RASGRP3: variants seen among roughly 807,000 people sequenced by gnomAD.
The protein encoded by RASGRP3 is RAS guanyl releasing protein 3.
A neutral mutation model predicts 82.7 loss-of-function variants in RASGRP3; 54 were observed. That is an observed-to-expected ratio of 0.65 (90% confidence interval 0.52 to 0.82). The LOEUF is 0.82. Ranked by LOEUF, RASGRP3 falls within the 40% of genes least tolerant of loss-of-function variation. The probability of loss-of-function intolerance (pLI) is 0.00; values close to 1 mark genes in which losing one functional copy is unlikely to be tolerated. For synonymous variants in RASGRP3, 309 were observed against 300.5 expected (o/e 1.03, Z -0.29); for missense variants, 861 against 828.9 (o/e 1.04, Z -0.48).
intron 2 of RASGRP3, among the ~76,000 whole-genome samples, chr2:33,513,194 T>C (rs1671106212): frequency 6.6e-6 from 1 of 152,230 alleles, no homozygotes; most frequent in African/African-American, 2.4e-5. Context: ...TAACCCTTTA[T>C]TTTATGTTCT....
chr2:33,478,685 TG>T (rs1247259604), intron 1 of RASGRP3, among the ~76,000 whole-genome samples: 1 of 152,198 alleles, frequency 6.6e-6, no homozygotes, highest in African/African-American at 2.4e-5. Flanking sequence ...CTTTTTGACC[TG>T]GATAGGAATG....
At chr2:33,503,223 G>C (rs1037286291) in intron 1 of RASGRP3, among the ~76,000 whole-genome samples, 19 of 151,832 alleles carry the variant, frequency 1.3e-4, no homozygotes, top group Non-Finnish European at 1.9e-4. Context: ...AATTTTTTTT[G>C]TTCTGATAAG....
intron 1 of RASGRP3, among the ~76,000 whole-genome samples, chr2:33,510,197 A>T (rs1353121543): frequency 1.3e-5 from 2 of 152,242 alleles, no homozygotes. Context: ...GCAGGGAAGG[A>T]TCTTCAAGAA....
intron 4 of RASGRP3, among the ~76,000 whole-genome samples, chr2:33,518,467 A>ATTAG (rs1671670631): frequency 6.6e-6 from 1 of 152,234 alleles, no homozygotes; most frequent in Non-Finnish European, 1.5e-5. Flanking sequence ...GGCCTAGGAC[A>ATTAG]TTAGTGTACA....
chr2:33,498,629 C>G (rs542278375), intron 1 of RASGRP3, among the ~76,000 whole-genome samples: 1 of 152,304 alleles, frequency 6.6e-6, no homozygotes, highest in South Asian at 2.1e-4. Context: ...ATCCTCTGAG[C>G]ATTCCTGATT....
In RASGRP3 at chr2:33,516,521, C is replaced by T. The variant is rs1445548780; in HGVS notation, c.71-21C>T. On this transcript the variant is annotated intron_variant, in intron 3 of 17. Transcript: ENST00000403687. ...GAATAGCACTATTATCTCCTCACTT[C>T]TTGTTTTATTTTTCTAACAGATGAC... 2.0e-6 allele frequency: 3 copies of T among 1,473,186 alleles called. No individual in the cohort carries two copies. The South Asian group carries it at 3.6e-5, about 18-fold the overall frequency. The allele number at this position is 1,473,186 out of a possible 1,614,324, so 91.3% of individuals were successfully genotyped here.
At chr2:33,468,958 C>A (rs917797810) in intron 2 of RASGRP3, among the ~76,000 whole-genome samples, 1 of 152,106 alleles carries the variant, frequency 6.6e-6, no homozygotes, top group Admixed American at 6.5e-5. Flanking sequence ...CTATGTTGTA[C>A]GATTTATATT....
At chr2:33,533,900 A>C (rs979445623) in intron 10 of RASGRP3, 4 of 175,406 alleles carry the variant, frequency 2.3e-5, no homozygotes, top group Non-Finnish European at 4.9e-5. Flanking sequence ...GACTTAGCAC[A>C]ATGCTCTCAA....
intron 2 of RASGRP3, among the ~76,000 whole-genome samples, chr2:33,471,341 ATTTTTTT>A (rs70940204): frequency 9.4e-6 from 1 of 106,778 alleles, no homozygotes; most frequent in African/African-American, 3.7e-5. Context: ...ACACTGGGCT[ATTTTTTT>A]TTTTTTTTTT....
chr2:33,480,538 G>A (rs542889446), intron 1 of RASGRP3, among the ~76,000 whole-genome samples: 66 of 152,206 alleles, frequency 4.3e-4, no homozygotes, highest in Admixed American at 3.1e-3. Context: ...CACGTGAAGT[G>A]GACTCAGAAT....
chr2:33,503,201 AT>A (rs1670043276), intron 1 of RASGRP3, among the ~76,000 whole-genome samples: 1 of 152,212 alleles, frequency 6.6e-6, no homozygotes, highest in African/African-American at 2.4e-5. Flanking sequence ...CTCTTAAAAC[AT>A]TTTTGAAATG....
At position 33,540,561 on chromosome 2, in the gene RASGRP3, TG is replaced by T. The variant is rs1272186585; in HGVS notation, c.1278+1352del. ...TCTCTCTCTGTGTGTGTGTTTTGTG[TG>T]TGTGTGTGTGTGTGTGTGTGTGTGT... On this transcript the variant is annotated intron_variant, in intron 12 of 17. Coordinates refer to ENST00000403687, the MANE Select transcript of RASGRP3 (RefSeq NM_001139488.2). Among the ~76,000 whole-genome samples, 100 of 117,792 alleles carry T rather than the reference TG, an allele frequency of 8.5e-4. 6 individuals are homozygous for T. Among genetic ancestry groups the T allele is most frequent in the African/African-American group, 1.6e-3 (52 of 33,304 alleles). The allele number at this position is 117,792 out of a possible 152,430, so 77.3% of individuals were successfully genotyped here.
At chr2:33,537,667 A>C (rs763690830) in intron 11 of RASGRP3, among the ~76,000 whole-genome samples, 1 of 152,014 alleles carries the variant, frequency 6.6e-6, no homozygotes, top group Non-Finnish European at 1.5e-5. Context: ...AGCCTCTATA[A>C]ATATAAATTA....
At position 33,539,146 on chromosome 2, in the gene RASGRP3, C is replaced by T. The variant is rs923565510; in HGVS notation, c.1214C>T (p.Ala405Val). ...PNKPVVPLEW[A>V]LGVMPKPDPT... ...AAGCCTGTGGTACCCCTGGAGTGGGCATTAGGGGTGATGCCAAAGCCAGAC... is the reference window on the plus strand; with the variant it reads ...AAGCCTGTGGTACCCCTGGAGTGGGTATTAGGGGTGATGCCAAAGCCAGAC... Residue 405 changes from alanine (A) to valine (V), a missense_variant, in exon 12 of 18, where the codon GCA (alanine) becomes GTA (valine). Physicochemically the swap from Ala to Val is moderately conservative, Grantham distance 64. Coordinates refer to ENST00000403687, the MANE Select transcript of RASGRP3 (RefSeq NM_001139488.2). 3.1e-6 allele frequency: 5 copies of T among 1,611,962 alleles called. No homozygotes were observed. The African/African-American group carries it at 4.0e-5, about 13-fold the overall frequency.
intron 10 of RASGRP3, among the ~76,000 whole-genome samples, chr2:33,529,303 G>A (rs1672870593): frequency 6.6e-6 from 1 of 151,434 alleles, no homozygotes; most frequent in Non-Finnish European, 1.5e-5. Context: ...GACCATCCTG[G>A]CTAACACGGT....
At chr2:33,511,925 G>T (rs1422312089) in intron 2 of RASGRP3, 83 bp downstream of exon 2, 2 of 152,586 alleles carry the variant, frequency 1.3e-5, no homozygotes, top group Non-Finnish European at 2.9e-5. Context: ...AAAGAAACGT[G>T]CTATGATGTT....
intron 13 of RASGRP3, among the ~76,000 whole-genome samples, chr2:33,547,367 T>TTTTTTTTTTC (rs1468658446): frequency 9.8e-6 from 1 of 101,682 alleles, no homozygotes; most frequent in Non-Finnish European, 2.0e-5. Flanking sequence ...TTTTTTTTTT[T>TTTTTTTTTTC]TTTTGCCTCC....
At chr2:33,456,453 G>A (rs1666040796) in intron 2 of RASGRP3, among the ~76,000 whole-genome samples, 1 of 151,978 alleles carries the variant, frequency 6.6e-6, no homozygotes, top group South Asian at 2.1e-4. Flanking sequence ...TTTTAGTGGT[G>A]GTACTTGCAA....
intron 10 of RASGRP3, chr2:33,532,481 A>T (rs1238089623): frequency 6.6e-6 from 1 of 152,198 alleles, no homozygotes; most frequent in African/African-American, 2.4e-5. Context: ...TGTTTTCCAA[A>T]TAAGACGTTT....
Sources: gnomAD v4.1 joint callset for allele counts (sites outside exome capture counted in the v4.1 genomes callset) on GRCh38, gnomAD v4.1.1 for gene constraint, MANE v1.5 for transcripts, NCBI Gene and HGNC (gene_info 2026-07-23, HGNC 2026-07-21) for gene names.